The following VIT variants were observed in gnomAD, a reference collection of about 807,000 sequenced individuals.
VIT encodes the protein vitrin.
A neutral mutation model predicts 78.0 loss-of-function variants in VIT; 99 were observed. That is an observed-to-expected ratio of 1.27 (90% CI 1.08 to 1.50). VIT has a LOEUF of 1.50. Among genes scored for constraint, VIT ranks in the 40% most tolerant of loss-of-function variants. The pLI, the probability that VIT is intolerant of heterozygous loss-of-function variation, is 0.00. For synonymous variants in VIT, 374 were observed against 334.3 expected (o/e 1.12, Z -1.29); for missense variants, 1,126 against 875.3 (o/e 1.29, Z -3.61).
At chr2:36,775,983 C>G (rs915510357) in intron 9 of VIT, among the ~76,000 whole-genome samples, 4 of 152,192 alleles carry the variant, frequency 2.6e-5, no homozygotes, top group African/African-American at 9.7e-5. Flanking sequence ...CTGCCCAGTT[C>G]CTCAGCTATA....
intron 1 of VIT, among the ~76,000 whole-genome samples, chr2:36,699,609 T>TAGATATATAGGTAGATAG (rs56050360): frequency 1.5e-5 from 2 of 130,472 alleles, no homozygotes; most frequent in Non-Finnish European, 3.2e-5. Context: ...TAGATATAGA[T>TAGATATATAGGTAGATAG]ATAGATAGAT....
rs1558493091 is a variant in VIT at position 36,696,755 on chromosome 2, G to GTGTATGTGTGTGT, written c.-237_-236insTGTATGTGTGTGT. 6.6e-6 allele frequency: 1 copy of GTGTATGTGTGTGT among 151,908 alleles called. No homozygotes were observed. The highest frequency in any genetic ancestry group is 1.9e-4 in the East Asian group (1 of 5,172). The allele number at this position is 151,908 out of a possible 1,614,324, so 9.4% of individuals were successfully genotyped here. A position where few individuals can be genotyped will look rare whatever the true frequency, so the allele number is the denominator to read the frequency against. On this transcript the variant is annotated 5_prime_UTR_variant, in exon 1 of 16. In the 5' UTR this introduces an upstream ATG that the reference lacks. Transcript: ENST00000379242. ...GCATGTGTGTGTGTGTATGTGTGTGGGGGGGGGTGTAAAATGTGTTTTTCA... is the reference window on the plus strand; with the variant it reads ...GCATGTGTGTGTGTGTATGTGTGTGGTGTATGTGTGTGTGGGGGGGTGTAAAATGTGTTTTTCA...
intron 1 of VIT, among the ~76,000 whole-genome samples, chr2:36,697,883 GT>G (rs1664777678): frequency 6.6e-6 from 1 of 152,202 alleles, no homozygotes; most frequent in South Asian, 2.1e-4. Flanking sequence ...GTATTTTGCC[GT>G]TACGTTGTGT....
chr2:36,752,795 G>A (rs1360917181), intron 4 of VIT, among the ~76,000 whole-genome samples: 2 of 152,220 alleles, frequency 1.3e-5, no homozygotes, highest in Non-Finnish European at 2.9e-5. Context: ...GGAAAACAGT[G>A]TGGCAATCCT....
chr2:36,758,130 C>G (rs940298786), intron 5 of VIT, among the ~76,000 whole-genome samples: 1 of 152,180 alleles, frequency 6.6e-6, no homozygotes, highest in African/African-American at 2.4e-5. Flanking sequence ...ACAGGTAGTA[C>G]CCCTACCAAG....
intron 10 of VIT, among the ~76,000 whole-genome samples, chr2:36,782,084 C>G (rs1328236056): frequency 1.3e-5 from 2 of 152,206 alleles, no homozygotes; most frequent in African/African-American, 2.4e-5. Context: ...CACACTTTAA[C>G]TTCCTCCAAC....
chr2:36,808,434 C>A, intron 14 of VIT, 38 bp from the exon 15 acceptor site: 1 of 1,564,620 alleles, frequency 6.4e-7, no homozygotes, highest in Non-Finnish European at 8.7e-7. Flanking sequence ...GAGGATTTGA[C>A]CCTGACGTGG....
At chr2:36,807,401 G>A (rs551769065) in intron 14 of VIT, among the ~76,000 whole-genome samples, 1 of 152,240 alleles carries the variant, frequency 6.6e-6, no homozygotes, top group Admixed American at 6.5e-5. Context: ...CTCCTGCTGT[G>A]ACTTCACTGC....
At chr2:36,722,931 T>G (rs1396396799) in intron 2 of VIT, among the ~76,000 whole-genome samples, 3 of 151,630 alleles carry the variant, frequency 2.0e-5, no homozygotes, top group Non-Finnish European at 4.4e-5. Flanking sequence ...TTGTTTTTTG[T>G]AATTATATCA....
chr2:36,795,732 A>G (rs1665849581), intron 12 of VIT, among the ~76,000 whole-genome samples: 1 of 152,012 alleles, frequency 6.6e-6, no homozygotes, highest in Admixed American at 6.6e-5. Context: ...AACTCTCTTC[A>G]AGTGTCCTTT....
At chr2:36,700,183 A>C (rs137866564) in intron 1 of VIT, among the ~76,000 whole-genome samples, 53 of 152,334 alleles carry the variant, frequency 3.5e-4, no homozygotes, top group African/African-American at 1.2e-3. Context: ...ACTAGTTGCC[A>C]TCTCTTTATC....
chr2:36,811,782 C>G (rs1667190285), intron 15 of VIT, among the ~76,000 whole-genome samples: 2 of 151,640 alleles, frequency 1.3e-5, no homozygotes, highest in South Asian at 2.1e-4. Context: ...AGGCGATTCT[C>G]CTGCCTCAGT....
At chr2:36,770,581 A>T (rs143225635) in intron 7 of VIT, among the ~76,000 whole-genome samples, 1,714 of 152,164 alleles carry the variant, frequency 0.011, 16 homozygotes, top group Non-Finnish European at 0.017. Flanking sequence ...AGCAATAGAG[A>T]CTTCCTACAG....
At chr2:36,699,613 G>GAT (rs1259008245) in intron 1 of VIT, among the ~76,000 whole-genome samples, 1 of 133,074 alleles carries the variant, frequency 7.5e-6, no homozygotes, top group Non-Finnish European at 1.6e-5. Context: ...TATAGATATA[G>GAT]ATAGATATAT....
At chr2:36,741,086 C>T (rs58113604) in intron 3 of VIT, among the ~76,000 whole-genome samples, 4,015 of 152,208 alleles carry the variant, frequency 0.026, 185 homozygotes, top group African/African-American at 0.092. Flanking sequence ...ATTTTCTTTA[C>T]CTCTAAGGGA....
At chr2:36,707,735 G>A (rs1352583197) in intron 1 of VIT, among the ~76,000 whole-genome samples, 1 of 152,070 alleles carries the variant, frequency 6.6e-6, no homozygotes, top group Admixed American at 6.6e-5. Flanking sequence ...AGTCCACGTA[G>A]CCTGACTCGG....
chr2:36,717,636 T>G (rs1442474141), intron 2 of VIT, among the ~76,000 whole-genome samples: 1 of 152,060 alleles, frequency 6.6e-6, no homozygotes, highest in Non-Finnish European at 1.5e-5. Flanking sequence ...TCAACTGAAG[T>G]GCTGAGGGGT....
At chr2:36,805,878 T>C (rs1666684721) in intron 14 of VIT, among the ~76,000 whole-genome samples, 1 of 152,114 alleles carries the variant, frequency 6.6e-6, no homozygotes, top group South Asian at 2.1e-4. Flanking sequence ...AGGAGCAGTG[T>C]ACTCGAATTC....
chr2:36,810,092 G>T (rs1158994063), intron 15 of VIT, among the ~76,000 whole-genome samples: 3 of 151,746 alleles, frequency 2.0e-5, no homozygotes, highest in Non-Finnish European at 2.9e-5. Context: ...GGGAGTTCGA[G>T]ACTAGCCTGA....
Sources: allele counts gnomAD v4.1 joint callset (sites outside exome capture counted in the v4.1 genomes callset), GRCh38; gene constraint gnomAD v4.1.1; transcripts MANE v1.5; gene names NCBI Gene and HGNC (gene_info 2026-07-23, HGNC 2026-07-21).